Variants in PRLR observed in about 807,000 individuals in gnomAD.
The protein encoded by PRLR is prolactin receptor, also known as hPRL receptor.
In PRLR, 13 loss-of-function variants were observed where a neutral mutation model predicts 40.2. The ratio of observed to expected loss-of-function variants is 0.32; its 90% CI spans 0.21 to 0.51. The LOEUF (loss-of-function observed/expected upper bound fraction) is 0.51. Among genes scored for constraint, PRLR ranks in the 20% least tolerant of loss-of-function variants. The pLI, the probability that PRLR is intolerant of heterozygous loss-of-function variation, is 0.97. For synonymous variants in PRLR, 269 were observed against 278.7 expected, an observed-to-expected ratio of 0.97 and a Z score of 0.35; for missense variants, 656 against 747.3, an observed-to-expected ratio of 0.88 and a Z score of 1.42.
At chr5:35,217,320 T>C (rs1424705960) in intron 1 of PRLR, among the ~76,000 whole-genome samples, 1 of 152,184 alleles carries the variant, frequency 6.6e-6, no homozygotes, top group East Asian at 1.9e-4. Flanking sequence ...CTTAACTCTG[T>C]CTAGATTATT....
chr5:35,129,753 C>G (rs1773597393), intron 1 of PRLR, among the ~76,000 whole-genome samples: 1 of 151,758 alleles, frequency 6.6e-6, no homozygotes, highest in African/African-American at 2.4e-5. Context: ...CTGCCAGTGA[C>G]AGAGTAACTT....
intron 1 of PRLR, among the ~76,000 whole-genome samples, chr5:35,127,869 G>A (rs1014180989): frequency 2.0e-4 from 31 of 152,164 alleles, no homozygotes; most frequent in African/African-American, 7.0e-4. Context: ...AAAAGGAGTG[G>A]AGAGTGATTG....
At chr5:35,200,317 A>C (rs571218475) in intron 1 of PRLR, among the ~76,000 whole-genome samples, 1 of 152,222 alleles carries the variant, frequency 6.6e-6, no homozygotes, top group African/African-American at 2.4e-5. Context: ...TCGTGGCTAC[A>C]TGCTGCCCCA....
chr5:35,056,209 G>T lies in PRLR; in HGVS notation c.*8880C>A, dbSNP rs1768706140. The stretch of plus-strand genomic sequence containing the variant: ...GCAGGAATTGAGGGGTGGTGTGGGG[G>T]ACAGTGGAGGAGATGTAAATACAAG... On this transcript the variant is annotated 3_prime_UTR_variant, in exon 10 of 10. Coordinates refer to ENST00000618457, the MANE Select transcript of PRLR (RefSeq NM_000949.7). The T allele has an allele frequency of 6.6e-6, 1 of 152,174 alleles. No homozygotes were observed. Among genetic ancestry groups the T allele is most frequent in the Non-Finnish European group, 1.5e-5 (1 of 68,022 alleles). 9.4% of individuals were successfully genotyped at this position (152,174 alleles called of 1,614,324 possible).
chr5:35,185,748 G>C (rs555647216), intron 1 of PRLR, among the ~76,000 whole-genome samples: 1 of 152,330 alleles, frequency 6.6e-6, no homozygotes, highest in African/African-American at 2.4e-5. Flanking sequence ...CTAGGAAATA[G>C]AGCAGGTTTC....
chr5:35,199,080 A>G (rs557868313), intron 1 of PRLR, among the ~76,000 whole-genome samples: 29 of 152,224 alleles, frequency 1.9e-4, no homozygotes, highest in Non-Finnish European at 4.0e-4. Flanking sequence ...TCTCCTCCGA[A>G]GCAGGAAAGA....
At chr5:35,107,387 T>A (rs1464684083) in intron 2 of PRLR, among the ~76,000 whole-genome samples, 1 of 151,688 alleles carries the variant, frequency 6.6e-6, no homozygotes, top group South Asian at 2.1e-4. Flanking sequence ...AGAGCAGAAC[T>A]GAAGGAGATA....
chr5:35,049,065 A>G (rs557998362), exon 9 of PRLR: 2 of 653,202 alleles, frequency 3.1e-6, no homozygotes, highest in East Asian at 3.0e-5. Flanking sequence ...TACATTCAAT[A>G]TAATTGTCCC....
intron 1 of PRLR, among the ~76,000 whole-genome samples, chr5:35,153,217 A>G (rs1042008651): frequency 1.1e-4 from 17 of 152,220 alleles, no homozygotes; most frequent in Non-Finnish European, 2.9e-5. Context: ...CACAAAGCTA[A>G]ACAGATTAAA....
At chr5:35,137,439 C>T (rs1773894104) in intron 1 of PRLR, among the ~76,000 whole-genome samples, 1 of 152,178 alleles carries the variant, frequency 6.6e-6, no homozygotes, top group South Asian at 2.1e-4. Context: ...GAGTTTCAGC[C>T]ATTTGGCCTC....
intron 2 of PRLR, among the ~76,000 whole-genome samples, chr5:35,113,484 TCCATCCAC>T (rs1561311215): frequency 1.8e-5 from 2 of 112,160 alleles, no homozygotes; most frequent in African/African-American, 5.2e-5. Flanking sequence ...CATCCATCCA[TCCATCCAC>T]CCACCCACCT....
chr5:35,070,404 G>T, intron 6 of PRLR, 139 bp from the exon 7 acceptor site: 2 of 930,780 alleles, frequency 2.1e-6, no homozygotes, highest in Non-Finnish European at 3.2e-6. Flanking sequence ...CACTGTCTTA[G>T]CCCTATCTTT....
At chr5:35,098,562 G>A (rs550282500) in intron 2 of PRLR, among the ~76,000 whole-genome samples, 1 of 152,288 alleles carries the variant, frequency 6.6e-6, no homozygotes, top group Admixed American at 6.5e-5. Context: ...CACAGATGGA[G>A]CTCTGTGTAT....
At chr5:35,050,130 C>T (rs928952218) in intron 8 of PRLR, among the ~76,000 whole-genome samples, 1 of 152,056 alleles carries the variant, frequency 6.6e-6, no homozygotes, top group African/African-American at 2.4e-5. Context: ...AACTCCTGAC[C>T]TCAGGTGATC....
intron 2 of PRLR, among the ~76,000 whole-genome samples, chr5:35,113,141 C>G (rs1316265178): frequency 1.3e-5 from 2 of 148,412 alleles, no homozygotes; most frequent in Non-Finnish European, 3.0e-5. Flanking sequence ...TATCCACCCA[C>G]CCATTTATCC....
chr5:35,071,420 G>T (rs940507164), intron 6 of PRLR, among the ~76,000 whole-genome samples: 3 of 151,988 alleles, frequency 2.0e-5, no homozygotes, highest in Non-Finnish European at 4.4e-5. Flanking sequence ...CTAGGGACTG[G>T]GTATTAAACG....
chr5:35,222,306 A>T (rs199674463), intron 1 of PRLR, among the ~76,000 whole-genome samples: 1 of 8,212 alleles, frequency 1.2e-4, no homozygotes, highest in Admixed American at 7.2e-4. Flanking sequence ...CATCCAAAAG[A>T]AAAAAAAAAA....
intron 1 of PRLR, among the ~76,000 whole-genome samples, chr5:35,149,735 C>A (rs917699569): frequency 4.6e-5 from 7 of 152,038 alleles, no homozygotes; most frequent in African/African-American, 1.7e-4. Context: ...AGAACTTGAC[C>A]CAAGATATCA....
chr5:35,092,868 G>A (rs1190765599), intron 2 of PRLR, among the ~76,000 whole-genome samples: 2 of 152,124 alleles, frequency 1.3e-5, no homozygotes, highest in African/African-American at 4.8e-5. Context: ...CACCTTGCCT[G>A]TGGCTAGCTG....
Sources: allele counts gnomAD v4.1 joint callset (sites outside exome capture counted in the v4.1 genomes callset), GRCh38; gene constraint gnomAD v4.1.1; transcripts MANE v1.5; gene names NCBI Gene and HGNC (gene_info 2026-07-23, HGNC 2026-07-21).